The following AUTS2 variants were observed in gnomAD, a reference collection of about 807,000 sequenced individuals.
AUTS2 encodes autism susceptibility gene 2 protein.
In AUTS2, 17 loss-of-function variants were observed where a neutral mutation model predicts 112.4. The ratio of observed to expected loss-of-function variants is 0.15; its 90% CI spans 0.10 to 0.23. The LOEUF (loss-of-function observed/expected upper bound fraction) is 0.23, where lower values mean the gene tolerates loss of function less well. Ranked by LOEUF, AUTS2 falls within the 10% of genes least tolerant of loss-of-function variation. The pLI, the probability that AUTS2 is intolerant of heterozygous loss-of-function variation, is 1.00. For missense variants in AUTS2, 1,510 were observed against 1,701.6 expected, an observed-to-expected ratio of 0.89 and a Z score of 1.98; for synonymous variants, 751 against 702.7, an observed-to-expected ratio of 1.07 and a Z score of -1.09.
rs1805490277 is a variant in AUTS2, at chr7:70,118,244, G to GT, written c.624+12dup. 6 of 754,116 alleles carry GT rather than the reference G, an allele frequency of 8.0e-6. No individual in the cohort carries two copies. The highest frequency in any genetic ancestry group is 1.1e-5 in the Non-Finnish European group (6 of 569,296). The allele number at this position is 754,116 out of a possible 1,614,324, so 46.7% of individuals were successfully genotyped here. On this transcript the variant is annotated intron_variant, in intron 3 of 18. Transcript: ENST00000342771. ...GAAAGGCTCAGTGATGTAAGTTTAA[G>GT]TAAAAAAAAAAAAAAAAAAAAAATT...
At chr7:70,310,385 C>T (rs1789686945) in intron 4 of AUTS2, among the ~76,000 whole-genome samples, 2 of 151,940 alleles carry the variant, frequency 1.3e-5, no homozygotes, top group East Asian at 1.9e-4. Context: ...CCAAGGTGGG[C>T]GGATCATGAG....
rs1267865093 is a variant in AUTS2, at chr7:69,599,359, G to A, written c.-295G>A. The A allele has an allele frequency of 3.1e-6, 1 of 322,936 alleles. No individual in the cohort carries two copies. Among genetic ancestry groups the A allele is most frequent in the Non-Finnish European group, 5.6e-6 (1 of 177,820 alleles). The allele number at this position is 322,936 out of a possible 1,614,324, so 20.0% of individuals were successfully genotyped here. On this transcript the variant is annotated 5_prime_UTR_variant, in exon 1 of 19. Transcript: ENST00000342771. The surrounding 1 kb of genome is among the most constrained non-coding windows in gnomAD (Gnocchi z 7.0). The stretch of plus-strand genomic sequence containing the variant: ...TGTGTGTTCAGCCATTACTTTGCTC[G>A]GCGCTGCTCCCAGGCATCTCCGACC...
intron 5 of AUTS2, among the ~76,000 whole-genome samples, chr7:70,599,282 A>G (rs994683977): frequency 6.6e-6 from 1 of 152,224 alleles, no homozygotes; most frequent in Admixed American, 6.5e-5. Flanking sequence ...GAACACACTC[A>G]CCTGTAACCC....
intron 2 of AUTS2, among the ~76,000 whole-genome samples, chr7:69,971,490 T>C (rs956519788): frequency 3.3e-5 from 5 of 152,194 alleles, no homozygotes; most frequent in African/African-American, 1.2e-4. Context: ...GGTAACATAT[T>C]GTAAAACCAT....
intron 2 of AUTS2, among the ~76,000 whole-genome samples, chr7:70,035,511 C>T (rs1249599239): frequency 6.6e-6 from 1 of 152,086 alleles, no homozygotes; most frequent in African/African-American, 2.4e-5. Context: ...CTAGACTTGC[C>T]ATATTATAGC....
At chr7:70,009,107 G>A (rs1799675044) in intron 2 of AUTS2, among the ~76,000 whole-genome samples, 1 of 151,994 alleles carries the variant, frequency 6.6e-6, no homozygotes, top group African/African-American at 2.4e-5. Context: ...GTATGGTGCT[G>A]GCATCTGGTG....
chr7:70,550,356 C>T (rs1478885709), intron 5 of AUTS2, among the ~76,000 whole-genome samples: 1 of 152,128 alleles, frequency 6.6e-6, no homozygotes, highest in East Asian at 1.9e-4. Flanking sequence ...TCCTTCGGCA[C>T]CTCTTTGGAT....
intron 5 of AUTS2, among the ~76,000 whole-genome samples, chr7:70,513,856 C>T (rs1449718611): frequency 6.6e-6 from 1 of 151,994 alleles, no homozygotes; most frequent in Non-Finnish European, 1.5e-5. Context: ...AATGAGGTTT[C>T]ACCATGTTGC....
chr7:70,567,324 A>G (rs1801748571), intron 5 of AUTS2, among the ~76,000 whole-genome samples: 1 of 152,158 alleles, frequency 6.6e-6, no homozygotes, highest in South Asian at 2.1e-4. Context: ...ACTTGATTGA[A>G]TTTACTGATT....
chr7:70,119,821 A>G (rs1228404538), intron 3 of AUTS2: 1 of 152,176 alleles, frequency 6.6e-6, no homozygotes, highest in African/African-American at 2.4e-5. Context: ...ATAAGAAGCA[A>G]AATCTTTTAT....
At chr7:69,993,816 C>A (rs759884979) in intron 2 of AUTS2, among the ~76,000 whole-genome samples, 5 of 152,104 alleles carry the variant, frequency 3.3e-5, no homozygotes, top group African/African-American at 2.4e-5. Flanking sequence ...GTTTTTATTT[C>A]TTTCTACAGA....
At chr7:69,873,906 T>C (rs1317061808) in intron 1 of AUTS2, among the ~76,000 whole-genome samples, 1 of 152,226 alleles carries the variant, frequency 6.6e-6, no homozygotes, top group Non-Finnish European at 1.5e-5. Context: ...TATCAGCACT[T>C]CTAGACTGTG....
chr7:70,069,401 A>G (rs981672340), intron 2 of AUTS2, among the ~76,000 whole-genome samples: 3 of 152,200 alleles, frequency 2.0e-5, no homozygotes, highest in African/African-American at 7.2e-5. Context: ...GTACAACTTC[A>G]TCATTAATTT....
At chr7:70,255,177 G>C (rs1251443010) in intron 4 of AUTS2, among the ~76,000 whole-genome samples, 1 of 151,580 alleles carries the variant, frequency 6.6e-6, no homozygotes, top group East Asian at 1.9e-4. Flanking sequence ...GGGTTCAGGG[G>C]ATTCTCCTGC....
At chr7:70,400,889 T>C (rs1386529587) in intron 4 of AUTS2, among the ~76,000 whole-genome samples, 1 of 152,136 alleles carries the variant, frequency 6.6e-6, no homozygotes, top group African/African-American at 2.4e-5. Context: ...GCAATTCTAA[T>C]GCACGCCAAA....
rs895880204 is a variant in AUTS2, at chr7:70,040,976, G to T, written c.523-77156G>T. Reference sequence around the variant, plus strand: ...TTGATTGTAAACATTAAGTTTACATGGGATTTCTTTAACACATCCATTTTC... The same window carrying T: ...TTGATTGTAAACATTAAGTTTACATTGGATTTCTTTAACACATCCATTTTC... On this transcript the variant is annotated intron_variant, in intron 2 of 18. Transcript: ENST00000342771. 2.0e-5 allele frequency among the ~76,000 whole-genome samples: 3 copies of T among 152,134 alleles called. No individual in the cohort carries two copies. The East Asian group carries it at 5.8e-4, about 29-fold the overall frequency.
intron 4 of AUTS2, among the ~76,000 whole-genome samples, chr7:70,139,893 C>T (rs183359342): frequency 2.4e-4 from 37 of 151,968 alleles, no homozygotes; most frequent in Admixed American, 2.0e-3. Flanking sequence ...CCCAGCTGCT[C>T]GGGAGGCTGA....
Position 70,792,175 on chromosome 7 carries a change from C to G in AUTS2, c.*1179C>G, listed in dbSNP as rs1392064536. The G allele has an allele frequency of 6.6e-6, 1 of 152,482 alleles. No homozygotes were observed. The highest frequency in any genetic ancestry group is 1.9e-4 in the East Asian group (1 of 5,182). 9.4% of individuals were successfully genotyped at this position (152,482 alleles called of 1,614,324 possible). Reference sequence around the variant, plus strand: ...GACGCACTGTATTCCAGCTGGTGATCAAGTCTGGGAACAGCCGTAACAGGT... The same window carrying G: ...GACGCACTGTATTCCAGCTGGTGATGAAGTCTGGGAACAGCCGTAACAGGT... On this transcript the variant is annotated 3_prime_UTR_variant, in exon 19 of 19. Coordinates refer to ENST00000342771, the MANE Select transcript of AUTS2 (RefSeq NM_015570.4).
At chr7:70,145,479 C>A (rs1013323455) in intron 4 of AUTS2, among the ~76,000 whole-genome samples, 3 of 151,946 alleles carry the variant, frequency 2.0e-5, no homozygotes, top group Non-Finnish European at 4.4e-5. Context: ...TGTATGTGAA[C>A]AAGCAGTATT....
Sources: allele counts gnomAD v4.1 joint callset (sites outside exome capture counted in the v4.1 genomes callset), GRCh38; gene constraint gnomAD v4.1.1; non-coding constraint Gnocchi (gnomAD v3.1); transcripts MANE v1.5; gene names NCBI Gene and HGNC (gene_info 2026-07-23, HGNC 2026-07-21).